Variants in SORCS2 observed in about 807,000 individuals in gnomAD.
SORCS2 encodes the protein VPS10 domain-containing receptor SorCS2.
A neutral mutation model predicts 141.6 loss-of-function variants in SORCS2; 100 were observed. That is an observed-to-expected ratio of 0.71 (90% confidence interval 0.60 to 0.83). The LOEUF is 0.83. Among genes scored for constraint, SORCS2 ranks in the 40% least tolerant of loss-of-function variants. The pLI, the probability that SORCS2 is intolerant of heterozygous loss-of-function variation, is 0.00. For synonymous variants in SORCS2, 789 were observed against 676.9 expected, an observed-to-expected ratio of 1.17 and a Z score of -2.57; for missense variants, 1,646 against 1,560.2, an observed-to-expected ratio of 1.05 and a Z score of -0.93.
In SORCS2 at chr4:7,697,264, C is replaced by T. The variant is rs773503361; in HGVS notation, c.1658C>T (p.Thr553Ile). ...TACATCACGTCAGACTGTGGTCACA[C>T]CTGGCGGCAGGTAAGCTGGCTGGGA... is the stretch of plus-strand genomic sequence containing the variant. ...EMYITSDCGH[T>I]WRQVFEEEHH... The change falls in exon 12 of 27, where the codon ACC (threonine) becomes ATC (isoleucine). Residue 553 changes from threonine (T) to isoleucine (I), a missense_variant. Thr to Ile is a moderately conservative substitution (Grantham distance 89). Transcript: ENST00000507866. 3 of 1,587,438 alleles carry T rather than the reference C, an allele frequency of 1.9e-6. No homozygotes were observed. The highest frequency in any genetic ancestry group is 2.3e-5 in the East Asian group (1 of 43,654).
Position 7,294,045 on chromosome 4 carries a change from T to A in SORCS2, c.480+100919T>A, listed in dbSNP as rs79241102. 2.4e-3 allele frequency among the ~76,000 whole-genome samples: 364 copies of A among 152,278 alleles called. 3 individuals are homozygous for A. Among genetic ancestry groups the A allele is most frequent in the East Asian group, 0.021 (109 of 5,178 alleles). ...GACTCCCCCTGGCTCTAGTGGCGTG[T>A]CCTACCTTCCGGAAGGTCAGGTATG... is the stretch of plus-strand genomic sequence containing the variant. On this transcript the variant is annotated intron_variant, in intron 1 of 26. Coordinates refer to ENST00000507866, the MANE Select transcript of SORCS2 (RefSeq NM_020777.3).
rs138164535 is a variant in SORCS2 at position 7,726,729 on chromosome 4, C to A, written c.2746-51C>A. The A allele has an allele frequency of 2.9e-4, 464 of 1,592,650 alleles. 2 individuals are homozygous for A. The East Asian group carries it at 8.2e-3, about 28-fold the overall frequency. On this transcript the variant is annotated intron_variant, in intron 20 of 26. Transcript: ENST00000507866. Reference sequence around the variant, plus strand: ...AGCGACCATAGGCCAGCGTCCCCCACGGCCGCTGCCTCACTCGGCCAGGCC... The same window carrying A: ...AGCGACCATAGGCCAGCGTCCCCCAAGGCCGCTGCCTCACTCGGCCAGGCC...
chr4:7,478,323 G>A (rs28403245), intron 2 of SORCS2, among the ~76,000 whole-genome samples: 13 of 152,018 alleles, frequency 8.6e-5, no homozygotes, highest in African/African-American at 1.7e-4. Flanking sequence ...CATGGTCTGC[G>A]TCACCAGCTC....
chr4:7,291,362 C>A (rs1716592351), intron 1 of SORCS2, among the ~76,000 whole-genome samples: 1 of 152,132 alleles, frequency 6.6e-6, no homozygotes, highest in Admixed American at 6.5e-5. Context: ...GGAGTCCACG[C>A]CTGGCCCATG....
At chr4:7,508,904 A>G (rs1732438105) in intron 2 of SORCS2, among the ~76,000 whole-genome samples, 1 of 152,226 alleles carries the variant, frequency 6.6e-6, no homozygotes, top group Non-Finnish European at 1.5e-5. Flanking sequence ...GGGAGTGAGC[A>G]GAAGTTCTGG....
intron 1 of SORCS2, among the ~76,000 whole-genome samples, chr4:7,212,477 T>G (rs1728111459): frequency 6.6e-6 from 1 of 152,206 alleles, no homozygotes; most frequent in South Asian, 2.1e-4. Context: ...GGGGCTGGCT[T>G]CAGGCATGAC....
At chr4:7,622,463 C>T (rs1187816032) in intron 3 of SORCS2, among the ~76,000 whole-genome samples, 4 of 152,192 alleles carry the variant, frequency 2.6e-5, no homozygotes, top group Non-Finnish European at 5.9e-5. Context: ...GGCACAACTG[C>T]AGTGATTCCA....
chr4:7,679,098 G>A (rs143729991), intron 9 of SORCS2, among the ~76,000 whole-genome samples: 163 of 150,200 alleles, frequency 1.1e-3, no homozygotes, highest in African/African-American at 3.8e-3. Context: ...TGTTGCTGTC[G>A]TGGTTGTTGT....
At chr4:7,483,331 A>AG (rs1265738908) in intron 2 of SORCS2, among the ~76,000 whole-genome samples, 2 of 151,416 alleles carry the variant, frequency 1.3e-5, no homozygotes, top group Non-Finnish European at 2.9e-5. Flanking sequence ...TCAAAAAAAA[A>AG]AAAAAAAAAG....
chr4:7,600,652 TATATAC>T (rs1220501424), intron 3 of SORCS2, among the ~76,000 whole-genome samples: 2,853 of 96,338 alleles, frequency 0.03, 100 homozygotes, highest in African/African-American at 0.1. Flanking sequence ...TATACATATA[TATATAC>T]ACACACACAC....
chr4:7,223,295 GCACACA>G (rs10553971), intron 1 of SORCS2, among the ~76,000 whole-genome samples: 2,238 of 129,726 alleles, frequency 0.017, 69 homozygotes, highest in African/African-American at 0.058. Flanking sequence ...GTGTATATGC[GCACACA>G]CACACACACA....
intron 3 of SORCS2, among the ~76,000 whole-genome samples, chr4:7,585,252 G>A (rs1053558176): frequency 6.6e-6 from 1 of 152,230 alleles, no homozygotes; most frequent in African/African-American, 2.4e-5. Context: ...AGCTATCACA[G>A]GAAGAATGAG....
chr4:7,450,653 G>A (rs1728374884), intron 2 of SORCS2, among the ~76,000 whole-genome samples: 1 of 152,252 alleles, frequency 6.6e-6, no homozygotes, highest in African/African-American at 2.4e-5. Context: ...CCTGTATGAG[G>A]CCTGGCACAT....
chr4:7,308,756 G>A (rs571943419), intron 1 of SORCS2, among the ~76,000 whole-genome samples: 85 of 148,968 alleles, frequency 5.7e-4, no homozygotes, highest in African/African-American at 2.0e-3. Flanking sequence ...GCACCCTGTC[G>A]TCTCGCTCCA....
At chr4:7,423,557 G>A (rs546488818) in intron 2 of SORCS2, among the ~76,000 whole-genome samples, 9 of 152,228 alleles carry the variant, frequency 5.9e-5, no homozygotes, top group African/African-American at 2.2e-4. Context: ...TGGTGTTACT[G>A]GTGTGCACCA....
intron 2 of SORCS2, among the ~76,000 whole-genome samples, chr4:7,451,951 G>A (rs1290011009): frequency 6.6e-6 from 1 of 152,182 alleles, no homozygotes; most frequent in Non-Finnish European, 1.5e-5. Context: ...TTGCGCGAGT[G>A]CACATTTGGC....
chr4:7,736,546 C>T (rs1712190355), intron 25 of SORCS2, among the ~76,000 whole-genome samples: 1 of 152,156 alleles, frequency 6.6e-6, no homozygotes, highest in Non-Finnish European at 1.5e-5. Flanking sequence ...CAGGGCGGGT[C>T]CTGAGCCGGG....
intron 3 of SORCS2, among the ~76,000 whole-genome samples, chr4:7,563,275 C>T (rs1182786771): frequency 1.3e-5 from 2 of 152,112 alleles, no homozygotes; most frequent in African/African-American, 4.8e-5. Context: ...CACCGTGGGC[C>T]AGGGACTGTT....
At chr4:7,334,615 A>T (rs1719874300) in intron 1 of SORCS2, among the ~76,000 whole-genome samples, 1 of 152,196 alleles carries the variant, frequency 6.6e-6, no homozygotes, top group South Asian at 2.1e-4. Context: ...CAGTTCCTGC[A>T]GCAACAGGGA....
Sources: gnomAD v4.1 joint callset for allele counts (sites outside exome capture counted in the v4.1 genomes callset) on GRCh38, gnomAD v4.1.1 for gene constraint, MANE v1.5 for transcripts, NCBI Gene and HGNC (gene_info 2026-07-23, HGNC 2026-07-21) for gene names.